The following BRINP3 variants were observed in gnomAD, a reference collection of about 807,000 sequenced individuals.
BRINP3 encodes BMP/retinoic acid inducible neural specific 3.
A neutral mutation model predicts 71.0 loss-of-function variants in BRINP3; 19 were observed. That is an observed-to-expected ratio of 0.27 (90% CI 0.19 to 0.39). The LOEUF is 0.39. BRINP3 is among the 10% of genes least tolerant of loss of function. BRINP3 has a pLI of 1.00. For synonymous variants in BRINP3, 380 were observed against 337.7 expected, an observed-to-expected ratio of 1.13 and a Z score of -1.37; for missense variants, 959 against 940.8, an observed-to-expected ratio of 1.02 and a Z score of -0.25.
At chr1:190,389,081 G>C (rs1258574401) in intron 2 of BRINP3, among the ~76,000 whole-genome samples, 2 of 151,586 alleles carry the variant, frequency 1.3e-5, no homozygotes, top group Non-Finnish European at 3.0e-5. Context: ...ATTCTAGACA[G>C]AGAAAAGCAT....
At chr1:190,453,259 C>T (rs1050822456) in intron 2 of BRINP3, among the ~76,000 whole-genome samples, 1 of 104,676 alleles carries the variant, frequency 9.6e-6, no homozygotes, top group Non-Finnish European at 1.7e-5. Flanking sequence ...CTCGCTCTGT[C>T]GCCCAGGCTG....
chr1:190,474,948 A>G (rs1032146324), intron 1 of BRINP3: 2 of 152,142 alleles, frequency 1.3e-5, no homozygotes, highest in African/African-American at 4.8e-5. Flanking sequence ...AGAAAGAGGA[A>G]AATAAAAATA....
At chr1:190,418,104 T>C (rs978242564) in intron 2 of BRINP3, among the ~76,000 whole-genome samples, 1 of 152,180 alleles carries the variant, frequency 6.6e-6, no homozygotes, top group African/African-American at 2.4e-5. Context: ...CACAGTGACT[T>C]GCCTGATTAG....
intron 3 of BRINP3, among the ~76,000 whole-genome samples, chr1:190,270,055 G>A (rs1374040791): frequency 1.3e-5 from 2 of 151,800 alleles, no homozygotes; most frequent in South Asian, 2.1e-4. Context: ...TTATTTCTAC[G>A]GAGATCTCAT....
intron 2 of BRINP3, among the ~76,000 whole-genome samples, chr1:190,326,241 C>A (rs1327689105): frequency 6.6e-6 from 1 of 151,906 alleles, no homozygotes; most frequent in African/African-American, 2.4e-5. Flanking sequence ...ATAAAGAAAA[C>A]AGAATTTTTA....
At chr1:190,104,988 T>C (rs927581846) in intron 7 of BRINP3, among the ~76,000 whole-genome samples, 1 of 152,142 alleles carries the variant, frequency 6.6e-6, no homozygotes, top group East Asian at 1.9e-4. Flanking sequence ...TCAGCCTTCA[T>C]AGATTTGTTA....
At chr1:190,128,981 C>T (rs1241682013) in intron 7 of BRINP3, among the ~76,000 whole-genome samples, 2 of 151,692 alleles carry the variant, frequency 1.3e-5, no homozygotes, top group Non-Finnish European at 3.0e-5. Context: ...CAATTATTAT[C>T]TCATAAGAAT....
chr1:190,412,105 G>T (rs931826138), intron 2 of BRINP3, among the ~76,000 whole-genome samples: 5 of 151,734 alleles, frequency 3.3e-5, no homozygotes, highest in African/African-American at 1.2e-4. Flanking sequence ...GCACTGACAA[G>T]CTTCCTAACT....
chr1:190,154,030 C>T, intron 7 of BRINP3: 1 of 933,194 alleles, frequency 1.1e-6, no homozygotes, highest in Non-Finnish European at 1.3e-6. Flanking sequence ...ATGGTGGCCT[C>T]AAAGATGCTG....
chr1:190,107,448 T>G (rs1252498125), intron 7 of BRINP3, among the ~76,000 whole-genome samples: 1 of 151,966 alleles, frequency 6.6e-6, no homozygotes, highest in African/African-American at 2.4e-5. Flanking sequence ...TAAATTCAAT[T>G]TTTCTTACCC....
chr1:190,461,621 G>T (rs2102663090), intron 1 of BRINP3, among the ~76,000 whole-genome samples: 1 of 152,294 alleles, frequency 6.6e-6, no homozygotes, highest in Admixed American at 6.5e-5. Context: ...AATAAGTATT[G>T]TTAGAGTGAA....
At chr1:190,227,381 A>G (rs918722993) in intron 5 of BRINP3, among the ~76,000 whole-genome samples, 2 of 151,798 alleles carry the variant, frequency 1.3e-5, no homozygotes, top group African/African-American at 2.4e-5. Flanking sequence ...TACTCTTAGA[A>G]CTTATATATT....
At chr1:190,134,476 T>C (rs1229697019) in intron 7 of BRINP3, among the ~76,000 whole-genome samples, 7 of 152,012 alleles carry the variant, frequency 4.6e-5, no homozygotes, top group Admixed American at 3.9e-4. Flanking sequence ...ATAACTGCTG[T>C]GTGGAGAATG....
chr1:190,471,661 C>T (rs1484890693), intron 1 of BRINP3, among the ~76,000 whole-genome samples: 1 of 151,288 alleles, frequency 6.6e-6, no homozygotes, highest in Non-Finnish European at 1.5e-5. Flanking sequence ...TCTAAAGTTT[C>T]TCCATTTTTA....
chr1:190,124,868 C>T (rs1653961605), intron 7 of BRINP3, among the ~76,000 whole-genome samples: 1 of 152,112 alleles, frequency 6.6e-6, no homozygotes, highest in African/African-American at 2.4e-5. Context: ...TACCTAAAAT[C>T]TTTACAGATA....
At chr1:190,190,111 C>T (rs1329344109) in intron 6 of BRINP3, among the ~76,000 whole-genome samples, 7 of 152,092 alleles carry the variant, frequency 4.6e-5, no homozygotes, top group African/African-American at 1.7e-4. Flanking sequence ...ACTGAATTCA[C>T]CAAGCAAGCC....
chr1:190,249,027 GC>G (rs1659873825), intron 4 of BRINP3, among the ~76,000 whole-genome samples: 1 of 151,748 alleles, frequency 6.6e-6, no homozygotes, highest in Non-Finnish European at 1.5e-5. Context: ...TTTGTGGGAT[GC>G]CTCAGAGTAT....
At position 190,348,871 on chromosome 1, in the gene BRINP3, C is replaced by T. The variant is rs1668190715; in HGVS notation, c.237-67121G>A. Among the ~76,000 whole-genome samples the T allele has an allele frequency of 2.6e-5, 4 of 152,098 alleles. No individual in the cohort carries two copies. The South Asian group carries it at 8.3e-4, about 32-fold the overall frequency. On this transcript the variant is annotated intron_variant, in intron 2 of 7. Transcript: ENST00000367462. ...ATTTAATCCAGTGTAAAATTCACTG[C>T]CCACAGTAGATGAAAACAGGCACCT... is the stretch of plus-strand genomic sequence containing the variant.
chr1:190,393,417 G>T (rs1324729290), intron 2 of BRINP3, among the ~76,000 whole-genome samples: 1 of 151,500 alleles, frequency 6.6e-6, no homozygotes, highest in Non-Finnish European at 1.5e-5. Context: ...GGGGAAAAGA[G>T]AACTCCATGG....
Sources: gnomAD v4.1 joint callset for allele counts (sites outside exome capture counted in the v4.1 genomes callset) on GRCh38, gnomAD v4.1.1 for gene constraint, MANE v1.5 for transcripts, NCBI Gene and HGNC (gene_info 2026-07-23, HGNC 2026-07-21) for gene names.